The following CNBD1 variants were observed in gnomAD, a reference collection of about 807,000 sequenced individuals.
The protein encoded by CNBD1 is cyclic nucleotide binding domain containing 1, also known as cyclic nucleotide-binding domain-containing protein 1.
CNBD1 carries 71 observed loss-of-function variants against 54.4 expected under a neutral mutation model. That is an observed-to-expected ratio of 1.30 (90% CI 1.08 to 1.59). CNBD1 has a LOEUF of 1.59. Among genes scored for constraint, CNBD1 ranks in the 40% most tolerant of loss-of-function variants. The pLI, the probability that CNBD1 is intolerant of heterozygous loss-of-function variation, is 0.00. For missense variants in CNBD1, 659 were observed against 518.0 expected (o/e 1.27, Z -2.64); for synonymous variants, 182 against 170.7 (o/e 1.07, Z -0.51).
chr8:87,134,531 A>G (rs948496831), intron 4 of CNBD1, among the ~76,000 whole-genome samples: 3 of 150,174 alleles, frequency 2.0e-5, no homozygotes, highest in Admixed American at 2.0e-4. Context: ...AACTTTTTTA[A>G]TTGTTCAGAA....
intron 4 of CNBD1, among the ~76,000 whole-genome samples, chr8:86,958,461 C>A (rs1807837014): frequency 6.6e-6 from 1 of 152,176 alleles, no homozygotes; most frequent in African/African-American, 2.4e-5. Flanking sequence ...GTGTGGGAGT[C>A]TAAGTCTCTT....
At chr8:87,271,375 G>A (rs1199346450) in intron 6 of CNBD1, among the ~76,000 whole-genome samples, 1 of 151,680 alleles carries the variant, frequency 6.6e-6, no homozygotes, top group African/African-American at 2.4e-5. Context: ...TTTGAAACAG[G>A]TATTTACTTC....
intron 8 of CNBD1, among the ~76,000 whole-genome samples, chr8:87,336,195 AGT>A (rs1440387154): frequency 6.6e-6 from 1 of 151,882 alleles, no homozygotes; most frequent in Admixed American, 6.6e-5. Flanking sequence ...CTTCTCATGG[AGT>A]GTCTTAGTGG....
chr8:87,345,342 C>T (rs573548806), intron 8 of CNBD1, among the ~76,000 whole-genome samples: 3 of 152,220 alleles, frequency 2.0e-5, no homozygotes, highest in Non-Finnish European at 2.9e-5. Flanking sequence ...TGAAACATTT[C>T]CCTTTTAATG....
intron 3 of CNBD1, among the ~76,000 whole-genome samples, chr8:86,907,323 A>G (rs961459113): frequency 5.9e-5 from 9 of 152,218 alleles, no homozygotes; most frequent in Admixed American, 4.6e-4. Flanking sequence ...TATTGTTGAC[A>G]CTATATGAAG....
intron 8 of CNBD1, among the ~76,000 whole-genome samples, chr8:87,308,670 T>C (rs1809204876): frequency 6.6e-6 from 1 of 152,170 alleles, no homozygotes; most frequent in African/African-American, 2.4e-5. Flanking sequence ...CTTACTGTGA[T>C]TTGGAACACT....
intron 8 of CNBD1, among the ~76,000 whole-genome samples, chr8:87,338,090 T>G (rs983229323): frequency 3.3e-5 from 5 of 152,200 alleles, no homozygotes; most frequent in African/African-American, 9.6e-5. Context: ...CCTTAAAGTT[T>G]GCAATATACA....
At chr8:87,147,390 T>C (rs1472127721) in intron 4 of CNBD1, among the ~76,000 whole-genome samples, 1 of 152,102 alleles carries the variant, frequency 6.6e-6, no homozygotes, top group African/African-American at 2.4e-5. Context: ...CTTGTATACA[T>C]GAAGGACATA....
chr8:87,165,788 TTA>T (rs1023958889), intron 4 of CNBD1, among the ~76,000 whole-genome samples: 7 of 151,980 alleles, frequency 4.6e-5, no homozygotes, highest in African/African-American at 1.7e-4. Flanking sequence ...CTAAACTTTT[TTA>T]TTTTTTTGCA....
At chr8:87,041,918 A>T (rs1475830909) in intron 4 of CNBD1, among the ~76,000 whole-genome samples, 1 of 152,222 alleles carries the variant, frequency 6.6e-6, no homozygotes, top group Non-Finnish European at 1.5e-5. Flanking sequence ...GGAATAAAGA[A>T]AGCAGGGACA....
At chr8:87,229,488 G>A (rs1043667413) in intron 5 of CNBD1, among the ~76,000 whole-genome samples, 2 of 151,862 alleles carry the variant, frequency 1.3e-5, no homozygotes, top group East Asian at 1.9e-4. Flanking sequence ...TATTTTAATT[G>A]TTCTTTGACA....
At chr8:86,887,106 G>C (rs532720253) in intron 1 of CNBD1, among the ~76,000 whole-genome samples, 49 of 152,284 alleles carry the variant, frequency 3.2e-4, no homozygotes, top group Admixed American at 1.0e-3. Context: ...GCGTAGGATT[G>C]AATAGGCCGA....
chr8:87,220,076 T>A (rs1261088729), intron 5 of CNBD1, among the ~76,000 whole-genome samples: 1 of 152,050 alleles, frequency 6.6e-6, no homozygotes, highest in Non-Finnish European at 1.5e-5. Context: ...AAAGGATTAA[T>A]AATTAATAGG....
Position 87,382,801 on chromosome 8 carries a change from A to G in CNBD1, c.*174A>G. On this transcript the variant is annotated 3_prime_UTR_variant, in exon 11 of 11. Transcript: ENST00000518476. ...GAATTGCCTTTCAAACACAGTTTTT[A>G]TTAGCAGTCTTTCTTGGTTTGGATA... 1 of 451,444 alleles carries G rather than the reference A, an allele frequency of 2.2e-6. No homozygotes were observed. The highest frequency in any genetic ancestry group is 4.0e-6 in the Non-Finnish European group (1 of 251,896). The allele number at this position is 451,444 out of a possible 1,614,324, so 28.0% of individuals were successfully genotyped here.
rs528051359 is a variant in CNBD1 at position 87,391,970 on chromosome 8, A to G, written c.214-36576A>G. 7.9e-5 allele frequency among the ~76,000 whole-genome samples: 12 copies of G among 152,200 alleles called. No individual in the cohort carries two copies. In the East Asian group the frequency reaches 1.4e-3, roughly 17 times the overall value. ...ACTTTATACCCAGCATGTAAAAAGAACCACAACTGTGTAATTAAAAATTAA... is the reference window on the plus strand; with the variant it reads ...ACTTTATACCCAGCATGTAAAAAGAGCCACAACTGTGTAATTAAAAATTAA... On this transcript the variant is annotated intron_variant, in intron 2 of 7. Transcript: ENST00000521593.
At chr8:86,871,022 A>T (rs1808436865) in intron 1 of CNBD1, among the ~76,000 whole-genome samples, 1 of 152,218 alleles carries the variant, frequency 6.6e-6, no homozygotes, top group Non-Finnish European at 1.5e-5. Flanking sequence ...CAAGGAGAAA[A>T]GATGGATGTT....
At chr8:87,364,653 C>G (rs187822891) in intron 10 of CNBD1, among the ~76,000 whole-genome samples, 2 of 151,948 alleles carry the variant, frequency 1.3e-5, no homozygotes, top group Non-Finnish European at 2.9e-5. Context: ...CACCCTCCCC[C>G]TCTCTGATAG....
chr8:86,968,141 T>C (rs1222440468), intron 4 of CNBD1, among the ~76,000 whole-genome samples: 2 of 152,172 alleles, frequency 1.3e-5, no homozygotes, highest in African/African-American at 4.8e-5. Context: ...GACAAAACCC[T>C]ATTCTGTTAG....
intron 10 of CNBD1, among the ~76,000 whole-genome samples, chr8:87,364,065 T>C (rs1810584245): frequency 6.6e-6 from 1 of 151,900 alleles, no homozygotes; most frequent in African/African-American, 2.4e-5. Flanking sequence ...TTTCTCAACA[T>C]ATTGTTTTAT....
Sources: allele counts gnomAD v4.1 joint callset (sites outside exome capture counted in the v4.1 genomes callset), GRCh38; gene constraint gnomAD v4.1.1; transcripts MANE v1.5; gene names NCBI Gene and HGNC (gene_info 2026-07-23, HGNC 2026-07-21).